THUMPD2: variants seen among roughly 807,000 people sequenced by gnomAD.
THUMPD2 encodes U6 snRNA (guanine-N(2))-methyltransferase THUMPD2.
In THUMPD2, 56 loss-of-function variants were observed where a neutral mutation model predicts 49.4. The ratio of observed to expected loss-of-function variants is 1.13; its 90% CI spans 0.91 to 1.41. THUMPD2 has a LOEUF of 1.41. Ranked by LOEUF, THUMPD2 falls within the 40% of genes most tolerant of loss-of-function variation. The pLI is 0.00. For missense variants in THUMPD2, 709 were observed against 594.5 expected (o/e 1.19, Z -2.00); for synonymous variants, 237 against 205.2 (o/e 1.15, Z -1.32).
chr2:39,747,812 C>G (rs188362187), intron 8 of THUMPD2, among the ~76,000 whole-genome samples: 4 of 152,252 alleles, frequency 2.6e-5, no homozygotes, highest in African/African-American at 9.6e-5. Context: ...GTGCCTTTGA[C>G]AAATATGTTT....
intron 5 of THUMPD2, among the ~76,000 whole-genome samples, chr2:39,763,848 G>C (rs1409700120): frequency 6.6e-6 from 1 of 151,786 alleles, no homozygotes; most frequent in Non-Finnish European, 1.5e-5. Context: ...CATTTATACT[G>C]AAACTACCTG....
At chr2:39,765,134 A>G (rs930535318) in intron 5 of THUMPD2, among the ~76,000 whole-genome samples, 2 of 152,234 alleles carry the variant, frequency 1.3e-5, no homozygotes, top group Admixed American at 1.3e-4. Context: ...CACACTCAGC[A>G]CTGCTACGGG....
At chr2:39,777,563 T>A (rs1446299797) in intron 1 of THUMPD2, among the ~76,000 whole-genome samples, 2 of 152,236 alleles carry the variant, frequency 1.3e-5, no homozygotes, top group Non-Finnish European at 2.9e-5. Flanking sequence ...ACATTTTAAG[T>A]GTTTAATAAA....
chr2:39,766,014 AC>A, intron 5 of THUMPD2, 42 bp downstream of exon 5: 1 of 1,481,704 alleles, frequency 6.7e-7, no homozygotes, highest in Non-Finnish European at 9.2e-7. Context: ...TCTTAATTTA[AC>A]CATCTGTCTT....
intron 9 of THUMPD2, among the ~76,000 whole-genome samples, chr2:39,738,312 C>G (rs1030813044): frequency 2.0e-5 from 3 of 152,132 alleles, no homozygotes; most frequent in Non-Finnish European, 2.9e-5. Flanking sequence ...CCTGTAATCC[C>G]AACATTTTGG....
At chr2:39,774,862 T>A (rs116445943) in intron 1 of THUMPD2, among the ~76,000 whole-genome samples, 5,942 of 152,278 alleles carry the variant, frequency 0.039, 167 homozygotes, top group African/African-American at 0.063. Flanking sequence ...GTTTTATGTA[T>A]AACACTCCCG....
intron 1 of THUMPD2, among the ~76,000 whole-genome samples, chr2:39,776,591 A>T (rs1351279133): frequency 1.3e-5 from 2 of 152,004 alleles, no homozygotes; most frequent in Non-Finnish European, 2.9e-5. Flanking sequence ...GGGTTTCACC[A>T]TGTTGTCCAG....
chr2:39,752,381 G>T (rs1420398449), intron 8 of THUMPD2, among the ~76,000 whole-genome samples: 3 of 152,166 alleles, frequency 2.0e-5, no homozygotes, highest in East Asian at 1.9e-4. Context: ...CTTAAAGTCG[G>T]TAAGTGTTCT....
chr2:39,755,214 G>C, intron 8 of THUMPD2, 81 bp downstream of exon 8: 1 of 969,724 alleles, frequency 1.0e-6, no homozygotes, highest in Non-Finnish European at 1.5e-6. Flanking sequence ...CCTTTACATA[G>C]TGAGACTTGT....
At position 39,771,611 on chromosome 2, in the gene THUMPD2, G is replaced by T; in HGVS notation, c.156C>A (p.Phe52Leu). ...QVEYISGKVF[F>L]TTCSDLNMLK... ...ACATATTCAAATCAGAACAGGTGGTGAAAAAAACCTTTCCTGAAATATATT... is the reference window on the plus strand; with the variant it reads ...ACATATTCAAATCAGAACAGGTGGTTAAAAAAACCTTTCCTGAAATATATT... The change falls in exon 2 of 10, where the codon TTC (phenylalanine) becomes TTA (leucine). Residue 52 changes from phenylalanine (F) to leucine (L), a missense_variant. Physicochemically the swap from Phe to Leu is conservative, Grantham distance 22 (BLOSUM62 0). Coordinates refer to ENST00000505747, the MANE Select transcript of THUMPD2 (RefSeq NM_025264.5). The T allele has an allele frequency of 6.2e-7, 1 of 1,602,114 alleles. No homozygotes were observed. The highest frequency in any genetic ancestry group is 1.1e-5 in the South Asian group (1 of 87,822).
intron 8 of THUMPD2, among the ~76,000 whole-genome samples, chr2:39,748,623 G>A (rs1030039547): frequency 1.3e-5 from 2 of 151,986 alleles, no homozygotes; most frequent in African/African-American, 4.8e-5. Flanking sequence ...AGGAGGCGGA[G>A]GTTGCAGTGA....
intron 1 of THUMPD2, among the ~76,000 whole-genome samples, chr2:39,772,164 T>G (rs1678417497): frequency 6.6e-6 from 1 of 152,140 alleles, no homozygotes; most frequent in African/African-American, 2.4e-5. Flanking sequence ...AGAAGAAGGA[T>G]TCTAACAAAA....
At chr2:39,743,946 C>T (rs935062470) in intron 9 of THUMPD2, among the ~76,000 whole-genome samples, 2 of 151,902 alleles carry the variant, frequency 1.3e-5, no homozygotes, top group African/African-American at 2.4e-5. Context: ...GAATTCTGTT[C>T]TGTTGTTTAG....
chr2:39,741,973 A>G (rs1673954716), intron 9 of THUMPD2, among the ~76,000 whole-genome samples: 1 of 152,178 alleles, frequency 6.6e-6, no homozygotes, highest in African/African-American at 2.4e-5. Context: ...ATACTGAGTA[A>G]GTTCTAGGTG....
At chr2:39,751,783 C>T (rs1675440154) in intron 8 of THUMPD2, among the ~76,000 whole-genome samples, 2 of 143,546 alleles carry the variant, frequency 1.4e-5, no homozygotes, top group Non-Finnish European at 3.0e-5. Context: ...CTCTTAGGTT[C>T]AAGCGATTCT....
chr2:39,765,704 T>C (rs1026357447), intron 5 of THUMPD2, among the ~76,000 whole-genome samples: 9 of 152,080 alleles, frequency 5.9e-5, no homozygotes, highest in Non-Finnish European at 1.3e-4. Flanking sequence ...AAAAACCATA[T>C]AGGCAAAACT....
At chr2:39,744,308 G>T in intron 9 of THUMPD2, 62 bp downstream of exon 9, 1 of 903,094 alleles carries the variant, frequency 1.1e-6, no homozygotes, top group Non-Finnish European at 1.7e-6. Flanking sequence ...GAAGAGCTAT[G>T]ATGTATTTCG....
intron 6 of THUMPD2, among the ~76,000 whole-genome samples, chr2:39,759,022 G>C (rs1271296799): frequency 2.0e-5 from 3 of 152,050 alleles, no homozygotes; most frequent in East Asian, 3.9e-4. Context: ...ATGTCTCTGT[G>C]ACTCTTGTAA....
intron 8 of THUMPD2, among the ~76,000 whole-genome samples, chr2:39,747,654 T>G (rs1558496563): frequency 6.6e-6 from 1 of 152,176 alleles, no homozygotes; most frequent in Non-Finnish European, 1.5e-5. Flanking sequence ...TTAAGTTTAA[T>G]AAAAGACTTT....
Sources: allele counts gnomAD v4.1 joint callset (sites outside exome capture counted in the v4.1 genomes callset), GRCh38; gene constraint gnomAD v4.1.1; transcripts MANE v1.5; gene names NCBI Gene and HGNC (gene_info 2026-07-23, HGNC 2026-07-21).